GOLPH3: variants seen among roughly 807,000 people sequenced by gnomAD.
GOLPH3 encodes the protein golgi phosphoprotein 3.
Under a neutral mutation model 28.5 loss-of-function variants are expected in GOLPH3, and 14 were observed. The ratio of observed to expected loss-of-function variants is 0.49; its 90% CI spans 0.32 to 0.77. GOLPH3 has a LOEUF of 0.77. GOLPH3 is among the 30% of genes least tolerant of loss of function. The pLI is 0.03. For synonymous variants in GOLPH3, 158 were observed against 159.2 expected (o/e 0.99, Z 0.06); for missense variants, 350 against 393.7 (o/e 0.89, Z 0.94).
chr5:32,139,101 AT>A (rs1263170769), intron 2 of GOLPH3, among the ~76,000 whole-genome samples: 2 of 152,202 alleles, frequency 1.3e-5, no homozygotes, highest in Non-Finnish European at 2.9e-5. Context: ...TGTCCTCTAA[AT>A]CTTTCTGAAA....
At chr5:32,173,649 G>C in intron 1 of GOLPH3, 161 bp downstream of exon 1, 1 of 436,172 alleles carries the variant, frequency 2.3e-6, no homozygotes, top group Non-Finnish European at 3.8e-6. Flanking sequence ...AACCAACTCC[G>C]ACACCGCTCG....
chr5:32,168,144 T>C (rs989407089), intron 1 of GOLPH3, among the ~76,000 whole-genome samples: 1 of 152,234 alleles, frequency 6.6e-6, no homozygotes, highest in Non-Finnish European at 1.5e-5. Context: ...GCCTTTATTA[T>C]ATTTTAAATT....
At chr5:32,165,689 A>G (rs1746696063) in intron 1 of GOLPH3, among the ~76,000 whole-genome samples, 1 of 152,232 alleles carries the variant, frequency 6.6e-6, no homozygotes, top group African/African-American at 2.4e-5. Flanking sequence ...GAAGACAGAC[A>G]TGTTCTTCAG....
chr5:32,132,977 A>C (rs572588461), intron 3 of GOLPH3, among the ~76,000 whole-genome samples: 2 of 152,260 alleles, frequency 1.3e-5, no homozygotes, highest in South Asian at 4.1e-4. Context: ...TTCCCAATGT[A>C]TGTCAAGAGC....
intron 1 of GOLPH3, among the ~76,000 whole-genome samples, chr5:32,169,643 A>G (rs1038355939): frequency 1.3e-5 from 2 of 152,224 alleles, no homozygotes; most frequent in African/African-American, 2.4e-5. Context: ...TCAATAAAGC[A>G]TCCTGAAAAT....
At chr5:32,127,143 T>C (rs1745700153) in intron 3 of GOLPH3, among the ~76,000 whole-genome samples, 1 of 152,344 alleles carries the variant, frequency 6.6e-6, no homozygotes, top group Non-Finnish European at 1.5e-5. Context: ...TCTGGAAGGA[T>C]ACAAATTTTC....
At chr5:32,156,957 T>C (rs1379365327) in intron 1 of GOLPH3, among the ~76,000 whole-genome samples, 2 of 152,160 alleles carry the variant, frequency 1.3e-5, no homozygotes. Context: ...ACCAGTAAAG[T>C]AACTAAATAA....
chr5:32,156,489 C>T (rs1479071666), intron 1 of GOLPH3, among the ~76,000 whole-genome samples: 1 of 148,942 alleles, frequency 6.7e-6, no homozygotes, highest in East Asian at 2.0e-4. Context: ...GGTGACAGAG[C>T]GAGATTCTGT....
chr5:32,140,660 T>C (rs1746037056), intron 2 of GOLPH3, among the ~76,000 whole-genome samples: 1 of 139,792 alleles, frequency 7.2e-6, no homozygotes. Context: ...TGACACTCAG[T>C]CTCAGAAAAA....
At chr5:32,144,014 G>GA (rs1277978982) in intron 1 of GOLPH3, 134 bp from the exon 2 acceptor site, 7 of 517,316 alleles carry the variant, frequency 1.4e-5, no homozygotes, top group African/African-American at 2.0e-5. Context: ...ATAATATACT[G>GA]AAAAAATACA....
chr5:32,168,121 T>C (rs534931320), intron 1 of GOLPH3, among the ~76,000 whole-genome samples: 5 of 152,206 alleles, frequency 3.3e-5, no homozygotes, highest in African/African-American at 4.8e-5. Context: ...GAAAATTCAT[T>C]AAAAACTCAG....
At chr5:32,149,986 G>GAA (rs752842342) in intron 1 of GOLPH3, among the ~76,000 whole-genome samples, 1 of 130,786 alleles carries the variant, frequency 7.6e-6, no homozygotes, top group Non-Finnish European at 1.7e-5. Context: ...ACTGTCTCAA[G>GAA]AAAAAAAAAA....
intron 1 of GOLPH3, among the ~76,000 whole-genome samples, chr5:32,154,758 T>G (rs1469668739): frequency 6.6e-6 from 1 of 152,154 alleles, no homozygotes; most frequent in Non-Finnish European, 1.5e-5. Context: ...TGACTCCTGA[T>G]GCAATGAACA....
At chr5:32,162,851 G>A (rs1475247923) in intron 1 of GOLPH3, among the ~76,000 whole-genome samples, 1 of 152,102 alleles carries the variant, frequency 6.6e-6, no homozygotes, top group Non-Finnish European at 1.5e-5. Flanking sequence ...GGCAGAGGCG[G>A]GCGGATCACG....
intron 1 of GOLPH3, among the ~76,000 whole-genome samples, chr5:32,164,355 T>C (rs1746657556): frequency 1.3e-5 from 2 of 152,212 alleles, no homozygotes; most frequent in Admixed American, 1.3e-4. Flanking sequence ...TATTTGTTTG[T>C]ACACTGTAAG....
At chr5:32,162,302 C>T (rs906788660) in intron 1 of GOLPH3, among the ~76,000 whole-genome samples, 3 of 150,228 alleles carry the variant, frequency 2.0e-5, no homozygotes, top group African/African-American at 7.5e-5. Flanking sequence ...ACCATCCTGG[C>T]TAACACGATG....
intron 1 of GOLPH3, among the ~76,000 whole-genome samples, chr5:32,162,008 CAG>C (rs10564440): frequency 0.034 from 5,108 of 150,704 alleles, 558 homozygotes; most frequent in African/African-American, 0.12. Context: ...GCCTGGGCGA[CAG>C]AGCGAGACTC....
chr5:32,133,320 A>G (rs1745864910), intron 3 of GOLPH3, among the ~76,000 whole-genome samples: 1 of 152,262 alleles, frequency 6.6e-6, no homozygotes, highest in African/African-American at 2.4e-5. Context: ...CAGTAACAGG[A>G]AAGTGAAGGC....
chr5:32,165,137 T>G (rs1252110066), intron 1 of GOLPH3, among the ~76,000 whole-genome samples: 1 of 151,958 alleles, frequency 6.6e-6, no homozygotes, highest in Non-Finnish European at 1.5e-5. Flanking sequence ...CTGCCTCAGG[T>G]AATCCCCTTG....
Sources: gnomAD v4.1 joint callset for allele counts (sites outside exome capture counted in the v4.1 genomes callset) on GRCh38, gnomAD v4.1.1 for gene constraint, MANE v1.5 for transcripts, NCBI Gene and HGNC (gene_info 2026-07-23, HGNC 2026-07-21) for gene names.